Variants in DNER observed in about 807,000 individuals in gnomAD.
DNER encodes the protein delta/notch like EGF repeat containing.
A neutral mutation model predicts 78.2 loss-of-function variants in DNER; 33 were observed. The ratio of observed to expected loss-of-function variants is 0.42; its 90% CI spans 0.32 to 0.56. DNER has a LOEUF of 0.56. Ranked by LOEUF, DNER falls within the 20% of genes least tolerant of loss-of-function variation. The probability of loss-of-function intolerance (pLI) is 0.11; values close to 1 mark genes in which losing one functional copy is unlikely to be tolerated. For missense variants in DNER, 918 were observed against 975.3 expected (o/e 0.94, Z 0.78); for synonymous variants, 417 against 384.8 (o/e 1.08, Z -0.98).
intron 5 of DNER, among the ~76,000 whole-genome samples, chr2:229,530,425 T>C (rs1696281040): frequency 6.6e-6 from 1 of 152,220 alleles, no homozygotes. Flanking sequence ...CCCTTCTCTC[T>C]CCATTTGAGC....
chr2:229,681,827 AACAC>A (rs72248647), intron 1 of DNER, among the ~76,000 whole-genome samples: 6,842 of 144,382 alleles, frequency 0.047, 181 homozygotes, highest in African/African-American at 0.071. Flanking sequence ...CTCTGCCTAA[AACAC>A]ACACACACAC....
At chr2:229,684,169 A>AGTGTGTGTGTGT (rs59016911) in intron 1 of DNER, among the ~76,000 whole-genome samples, 5 of 94,602 alleles carry the variant, frequency 5.3e-5, no homozygotes, top group Admixed American at 1.1e-4. Context: ...AGAGAGAGAG[A>AGTGTGTGTGTGT]GTGTGTGTGT....
At chr2:229,540,437 C>T (rs1696489506) in intron 5 of DNER, among the ~76,000 whole-genome samples, 1 of 152,112 alleles carries the variant, frequency 6.6e-6, no homozygotes, top group Non-Finnish European at 1.5e-5. Flanking sequence ...TGATAATTTA[C>T]AGGGAGCCCT....
Position 229,512,844 on chromosome 2 carries a change from C to T in DNER, c.1086G>A (p.Ala362=), listed in dbSNP as rs556414531. 13 of 1,614,176 alleles carry T rather than the reference C, an allele frequency of 8.1e-6. No individual in the cohort carries two copies. The highest frequency in any genetic ancestry group is 2.2e-5 in the East Asian group (1 of 44,878). ...GCTTTTCATTTGCATCAATACAGCT[C>T]GCGTTGTTTTGGCAAGGTTTCCTCT... is the stretch of plus-strand genomic sequence containing the variant. ...ACQRKPCQNN[A]SCIDANEKQD... Residue 362 remains alanine, a synonymous_variant, in exon 6 of 13, where the codon GCG becomes GCA. Coordinates refer to ENST00000341772, the MANE Select transcript of DNER (RefSeq NM_139072.4).
At chr2:229,381,628 G>A (rs1054194207) in intron 11 of DNER, among the ~76,000 whole-genome samples, 37 of 152,052 alleles carry the variant, frequency 2.4e-4, no homozygotes, top group Admixed American at 2.6e-4. Flanking sequence ...TTGAGTAGGC[G>A]GTTTTCCCCT....
At chr2:229,609,671 C>T (rs1264554144) in intron 1 of DNER, among the ~76,000 whole-genome samples, 1 of 152,146 alleles carries the variant, frequency 6.6e-6, no homozygotes, top group Non-Finnish European at 1.5e-5. Context: ...CTGTTCCTAA[C>T]GTGCTGGTGG....
At chr2:229,531,134 T>C (rs1047790670) in intron 5 of DNER, among the ~76,000 whole-genome samples, 12 of 152,188 alleles carry the variant, frequency 7.9e-5, no homozygotes, top group African/African-American at 2.7e-4. Flanking sequence ...AACCTGAGAA[T>C]GAGCAGATAT....
intron 9 of DNER, among the ~76,000 whole-genome samples, chr2:229,414,567 T>C (rs1313897350): frequency 1.3e-5 from 2 of 152,182 alleles, no homozygotes; most frequent in African/African-American, 4.8e-5. Context: ...AGGAGTGAAA[T>C]GTTTAACACA....
chr2:229,413,592 A>T (rs947293189), intron 9 of DNER, among the ~76,000 whole-genome samples: 6 of 151,168 alleles, frequency 4.0e-5, no homozygotes, highest in Admixed American at 2.0e-4. Flanking sequence ...AAGTGCTAGG[A>T]TTACAGGTGT....
chr2:229,480,657 C>T (rs1695138184), intron 6 of DNER, among the ~76,000 whole-genome samples: 2 of 152,272 alleles, frequency 1.3e-5, no homozygotes, highest in South Asian at 4.2e-4. Context: ...TTCGGGACCT[C>T]ACTGGCATTT....
At chr2:229,367,388 G>A (rs1483281813) in intron 11 of DNER, among the ~76,000 whole-genome samples, 6 of 152,060 alleles carry the variant, frequency 3.9e-5, no homozygotes, top group Non-Finnish European at 7.4e-5. Flanking sequence ...ATCACTTGAG[G>A]TCAGGAGTTT....
chr2:229,426,551 G>A (rs1693883933), intron 8 of DNER, among the ~76,000 whole-genome samples: 1 of 151,742 alleles, frequency 6.6e-6, no homozygotes, highest in African/African-American at 2.4e-5. Flanking sequence ...TGGTCATAGA[G>A]CCCTTTGGCG....
chr2:229,493,778 T>G (rs1183424888), intron 6 of DNER, among the ~76,000 whole-genome samples: 1 of 152,214 alleles, frequency 6.6e-6, no homozygotes, highest in East Asian at 1.9e-4. Flanking sequence ...TCAATACCCA[T>G]AACCAGCCAT....
chr2:229,628,480 G>A (rs947668892), intron 1 of DNER, among the ~76,000 whole-genome samples: 1 of 152,306 alleles, frequency 6.6e-6, no homozygotes, highest in Middle Eastern at 3.4e-3. Flanking sequence ...ACAACTAAGT[G>A]TTGCAGAGAG....
intron 5 of DNER, among the ~76,000 whole-genome samples, chr2:229,523,162 A>G (rs1166295834): frequency 6.6e-6 from 1 of 152,228 alleles, no homozygotes; most frequent in Non-Finnish European, 1.5e-5. Flanking sequence ...TAGGTCTGGT[A>G]GCCCTGGGTT....
intron 10 of DNER, among the ~76,000 whole-genome samples, chr2:229,398,575 G>T (rs1693200439): frequency 6.6e-6 from 1 of 152,022 alleles, no homozygotes; most frequent in African/African-American, 2.4e-5. Context: ...AAACTATTTT[G>T]TGTCTACGTT....
chr2:229,483,102 C>A (rs1695199841), intron 6 of DNER, among the ~76,000 whole-genome samples: 1 of 152,056 alleles, frequency 6.6e-6, no homozygotes, highest in African/African-American at 2.4e-5. Flanking sequence ...TGTTGGATGG[C>A]AATAATAGGG....
intron 1 of DNER, among the ~76,000 whole-genome samples, chr2:229,690,782 C>A (rs1258858012): frequency 1.3e-5 from 2 of 152,110 alleles, no homozygotes; most frequent in Non-Finnish European, 2.9e-5. Flanking sequence ...TAGAAAGTGA[C>A]AAACATTATG....
intron 5 of DNER, among the ~76,000 whole-genome samples, chr2:229,521,842 T>A (rs1046080480): frequency 1.3e-5 from 2 of 152,180 alleles, no homozygotes; most frequent in Admixed American, 6.5e-5. Flanking sequence ...AAAGAAAAAC[T>A]ATGAATTACA....
Sources: allele counts gnomAD v4.1 joint callset (sites outside exome capture counted in the v4.1 genomes callset), GRCh38; gene constraint gnomAD v4.1.1; transcripts MANE v1.5; gene names NCBI Gene and HGNC (gene_info 2026-07-23, HGNC 2026-07-21).